Variants in BMP7 observed in about 807,000 individuals in gnomAD.
The protein encoded by BMP7 is osteogenic protein 1.
In BMP7, 12 loss-of-function variants were observed where a neutral mutation model predicts 41.2. The ratio of observed to expected loss-of-function variants is 0.29; its 90% CI spans 0.19 to 0.47. The LOEUF is 0.47. BMP7 is among the 20% of genes least tolerant of loss of function. The pLI, the probability that BMP7 is intolerant of heterozygous loss-of-function variation, is 0.99. For missense variants in BMP7, 467 were observed against 606.0 expected (o/e 0.77, Z 2.41); for synonymous variants, 248 against 250.0 (o/e 0.99, Z 0.07).
chr20:57,219,856 C>T (rs1417918326), intron 2 of BMP7, among the ~76,000 whole-genome samples: 1 of 152,226 alleles, frequency 6.6e-6, no homozygotes, highest in African/African-American at 2.4e-5. Flanking sequence ...ATCCTTCACT[C>T]TCACAGCCAC....
chr20:57,248,184 C>T lies in BMP7; in HGVS notation c.418+17521G>A, dbSNP rs6099513. ...TAGGGCCTCTATTTATATGTGCATA[C>T]AGTGGAACCACATCACATGTACAAA... On this transcript the variant is annotated intron_variant, in intron 1 of 6. Coordinates refer to ENST00000395863, the MANE Select transcript of BMP7 (RefSeq NM_001719.3). Among the ~76,000 whole-genome samples, 587 of 152,326 alleles carry T rather than the reference C, an allele frequency of 3.9e-3. 6 individuals are homozygous for T. Among genetic ancestry groups the T allele is most frequent in the African/African-American group, 0.014 (570 of 41,574 alleles).
chr20:57,262,769 T>C (rs896026904), intron 1 of BMP7, among the ~76,000 whole-genome samples: 4 of 152,158 alleles, frequency 2.6e-5, no homozygotes, highest in African/African-American at 9.7e-5. Context: ...AATAGTTTGA[T>C]ATGTGCAAGT....
intron 2 of BMP7, among the ~76,000 whole-genome samples, chr20:57,206,693 C>T (rs1362737178): frequency 6.6e-6 from 1 of 152,200 alleles, no homozygotes. Context: ...GAGAATAATG[C>T]CATCTTCTTC....
At chr20:57,220,606 C>T (rs230213) in intron 2 of BMP7, among the ~76,000 whole-genome samples, 100,163 of 152,080 alleles carry the variant, frequency 0.66, 34,058 homozygotes, top group African/African-American at 0.83. Flanking sequence ...CCAAATGCAT[C>T]CCAGTGTAAA....
At chr20:57,219,028 G>A (rs1226717425) in intron 2 of BMP7, among the ~76,000 whole-genome samples, 1 of 150,930 alleles carries the variant, frequency 6.6e-6, no homozygotes, top group Non-Finnish European at 1.5e-5. Flanking sequence ...TGTTTGTTTG[G>A]TGGTAGCTGG....
At chr20:57,194,763 G>A (rs533897159) in intron 3 of BMP7, among the ~76,000 whole-genome samples, 1 of 152,352 alleles carries the variant, frequency 6.6e-6, no homozygotes, top group Non-Finnish European at 1.5e-5. Flanking sequence ...TTACAAAGGA[G>A]GAAAGCAAGG....
At position 57,265,818 on chromosome 20, in the gene BMP7, C is replaced by T; in HGVS notation, c.305G>A (p.Gly102Asp). ...GACGGCCTTGTAGGGGTAGGAGAAGCCCTGGCCGCCGGGCCCGCCGCCCTC... is the reference window on the plus strand; with the variant it reads ...GACGGCCTTGTAGGGGTAGGAGAAGTCCTGGCCGCCGGGCCCGCCGCCCTC... ...VEEGGGPGGQ[G>D]FSYPYKAVFS... The change falls in exon 1 of 7, where the codon GGC becomes GAC. Residue 102 changes from glycine to aspartate, a missense_variant. Physicochemically the swap from Gly to Asp is moderately conservative, Grantham distance 94. Transcript: ENST00000395863. 2 of 1,607,272 alleles carry T rather than the reference C, an allele frequency of 1.2e-6. No individual in the cohort carries two copies. Among genetic ancestry groups the T allele is most frequent in the Non-Finnish European group, 1.7e-6 (2 of 1,177,332 alleles).
At chr20:57,216,042 AAGAT>A (rs1985008770) in intron 2 of BMP7, among the ~76,000 whole-genome samples, 2 of 152,298 alleles carry the variant, frequency 1.3e-5, no homozygotes, top group Admixed American at 1.3e-4. Flanking sequence ...TTCCAAATTC[AAGAT>A]TCTCAAAAAC....
chr20:57,253,184 C>A (rs1257303678), intron 1 of BMP7, among the ~76,000 whole-genome samples: 1 of 152,124 alleles, frequency 6.6e-6, no homozygotes, highest in Non-Finnish European at 1.5e-5. Flanking sequence ...ATTGTTTCCT[C>A]CTAAAGGAAA....
chr20:57,201,355 T>C (rs1030694780), intron 3 of BMP7, among the ~76,000 whole-genome samples: 1 of 152,066 alleles, frequency 6.6e-6, no homozygotes, highest in Admixed American at 6.5e-5. Flanking sequence ...ACAAAACACA[T>C]GGAACAAGGA....
At chr20:57,235,044 C>T (rs372475248) in intron 1 of BMP7, among the ~76,000 whole-genome samples, 9 of 152,242 alleles carry the variant, frequency 5.9e-5, no homozygotes, top group East Asian at 5.8e-4. Flanking sequence ...ACCAGTCCCT[C>T]CTCCCCTAAG....
chr20:57,215,593 C>G lies in BMP7; in HGVS notation c.611+12636G>C. 6.6e-6 allele frequency: 1 copy of G among 152,140 alleles called. No homozygotes were observed. Among genetic ancestry groups the G allele is most frequent in the East Asian group, 1.9e-4 (1 of 5,172 alleles). The allele number at this position is 152,140 out of a possible 1,614,324, so 9.4% of individuals were successfully genotyped here. On this transcript the variant is annotated intron_variant, in intron 2 of 6. Transcript: ENST00000395863. This position sits in a 1 kb window ranked among gnomAD's most constrained non-coding sequence, Gnocchi z 4.2. The stretch of plus-strand genomic sequence containing the variant: ...CACACCAAGAACTCTGGTGAAACAT[C>G]AAGAACTCTGGGGGGTCCCCCCAGA...
At chr20:57,223,045 C>G (rs1192006118) in intron 2 of BMP7, among the ~76,000 whole-genome samples, 3 of 151,988 alleles carry the variant, frequency 2.0e-5, no homozygotes, top group Non-Finnish European at 2.9e-5. Context: ...AAGGCCAATA[C>G]ATGGTGAAAC....
At chr20:57,218,312 C>T (rs1985081394) in intron 2 of BMP7, among the ~76,000 whole-genome samples, 1 of 152,218 alleles carries the variant, frequency 6.6e-6, no homozygotes, top group Admixed American at 6.5e-5. Context: ...GTATTTTTCT[C>T]TTCCAATATA....
At chr20:57,229,219 C>T (rs6123681) in intron 1 of BMP7, among the ~76,000 whole-genome samples, 6,885 of 152,228 alleles carry the variant, frequency 0.045, 462 homozygotes, top group East Asian at 0.29. Context: ...ACAGCTACTC[C>T]GACCCCCTCC....
rs1033857819 is a variant in BMP7 at position 57,171,415 on chromosome 20, A to G, written c.1147-307T>C. ...TGGGGAACTGCCCTGTGCACTGTAG[A>G]TTGCTGAATAGTGTCCCTGACTTGG... On this transcript the variant is annotated intron_variant, in intron 6 of 6. Transcript: ENST00000395863. This position sits in a 1 kb window ranked among gnomAD's most constrained non-coding sequence, Gnocchi z 4.5. Among the ~76,000 whole-genome samples the G allele has an allele frequency of 2.0e-5, 3 of 152,296 alleles. No individual in the cohort carries two copies. The highest frequency in any genetic ancestry group is 3.4e-3 in the Middle Eastern group (1 of 294).
Position 57,228,269 on chromosome 20 carries a change from G to A in BMP7, c.571C>T (p.Arg191Trp), listed in dbSNP as rs1017902590. The A allele has an allele frequency of 1.9e-6, 3 of 1,614,000 alleles. No homozygotes were observed. Among genetic ancestry groups the A allele is most frequent in the East Asian group, 2.2e-5 (1 of 44,880 alleles). The change falls in exon 2 of 7, where the codon CGG (arginine) becomes TGG (tryptophan). Residue 191 changes from arginine to tryptophan, a missense_variant. Around this residue, in one of 2 missense-constraint regions of BMP7, gnomAD observed 407 missense variants for 485.9 expected, o/e 0.84. Transcript: ENST00000395863. The surrounding 1 kb of genome is among the most constrained non-coding windows in gnomAD (Gnocchi z 4.5). ...TGGAGCACCTGATAAACGCTGATCC[G>A]GAACGTCTCATTGTCGAAGCGTTCC... ...IRERFDNETF[R>W]ISVYQVLQEH...
rs1200336164 is a variant in BMP7 at position 57,170,580 on chromosome 20, C to A, written c.*379G>T. The A allele has an allele frequency of 3.0e-6, 1 of 336,736 alleles. No individual in the cohort carries two copies. The highest frequency in any genetic ancestry group is 7.6e-5 in the East Asian group (1 of 13,148). 20.9% of individuals were successfully genotyped at this position (336,736 alleles called of 1,614,324 possible). ...TCGCACAGACACCAATGTGCCCACC[C>A]CTTGCCACGCCCCCTTCCTCCCACG... On this transcript the variant is annotated 3_prime_UTR_variant, in exon 7 of 7. Transcript: ENST00000395863.
At chr20:57,179,918 C>G (rs1387725509) in intron 4 of BMP7, among the ~76,000 whole-genome samples, 1 of 152,134 alleles carries the variant, frequency 6.6e-6, no homozygotes, top group Non-Finnish European at 1.5e-5. Context: ...TAAATGGAGA[C>G]TTGGTGGGGC....
Sources: allele counts gnomAD v4.1 joint callset (sites outside exome capture counted in the v4.1 genomes callset), GRCh38; gene constraint gnomAD v4.1.1; regional missense constraint gnomAD v4.1.1; non-coding constraint Gnocchi (gnomAD v3.1); transcripts MANE v1.5; gene names NCBI Gene and HGNC (gene_info 2026-07-23, HGNC 2026-07-21).